SLC18A2: variants seen among roughly 807,000 people sequenced by gnomAD.
SLC18A2 encodes synaptic vesicular amine transporter.
Under a neutral mutation model 59.2 loss-of-function variants are expected in SLC18A2, and 33 were observed. That is an observed-to-expected ratio of 0.56 (90% CI 0.42 to 0.75). SLC18A2 has a LOEUF of 0.75. SLC18A2 is among the 30% of genes least tolerant of loss of function. The probability of loss-of-function intolerance (pLI) is 0.00; values close to 1 mark genes in which losing one functional copy is unlikely to be tolerated. For missense variants in SLC18A2, 569 were observed against 668.6 expected (o/e 0.85, Z 1.64); for synonymous variants, 228 against 253.5 (o/e 0.90, Z 0.95).
intron 15 of SLC18A2, among the ~76,000 whole-genome samples, chr10:117,276,943 T>C (rs1240719405): frequency 6.6e-6 from 1 of 152,128 alleles, no homozygotes; most frequent in Non-Finnish European, 1.5e-5. Flanking sequence ...ATAATGAAAA[T>C]ACTGCAGAGA....
intron 3 of SLC18A2, among the ~76,000 whole-genome samples, chr10:117,245,662 C>T (rs1844103116): frequency 6.6e-6 from 1 of 151,942 alleles, no homozygotes; most frequent in Non-Finnish European, 1.5e-5. Context: ...GGCAGCAGAG[C>T]ATTAAATCAA....
At chr10:117,241,530 C>T (rs1844052034) in intron 1 of SLC18A2, 149 bp from the exon 2 acceptor site, 2 of 829,352 alleles carry the variant, frequency 2.4e-6, no homozygotes, top group Non-Finnish European at 3.4e-6. Flanking sequence ...GGGACGCGCT[C>T]GAGGCAGGTG....
Position 117,267,161 on chromosome 10 carries a change from T to C in SLC18A2, c.1122+126T>C. 4.2e-6 allele frequency: 3 copies of C among 717,386 alleles called. No homozygotes were observed. In the South Asian group the frequency reaches 5.6e-5, roughly 13 times the overall value. 44.4% of individuals were successfully genotyped at this position (717,386 alleles called of 1,614,324 possible). A position where few individuals can be genotyped will look rare whatever the true frequency, so the allele number is the denominator to read the frequency against. On this transcript the variant is annotated intron_variant, in intron 12 of 15. Transcript: ENST00000644641. ...ATGTTTTATTACAGCTTTCATTTTA[T>C]TCTAATTTTTTATCATCTTAAAAAT... is the stretch of plus-strand genomic sequence containing the variant.
chr10:117,265,032 C>T (rs759231918), intron 10 of SLC18A2, among the ~76,000 whole-genome samples: 11 of 152,234 alleles, frequency 7.2e-5, no homozygotes, highest in Admixed American at 1.3e-4. Flanking sequence ...TTGCTGCAGG[C>T]CACTGCTGTG....
intron 10 of SLC18A2, among the ~76,000 whole-genome samples, chr10:117,258,265 A>C (rs1844252220): frequency 6.6e-6 from 1 of 152,262 alleles, no homozygotes. Flanking sequence ...AATTTTGAAA[A>C]GTAATACATG....
intron 13 of SLC18A2, chr10:117,268,314 CT>C (rs1844372979): frequency 6.5e-6 from 1 of 152,744 alleles, no homozygotes; most frequent in East Asian, 1.9e-4. Flanking sequence ...CAGTCCACCC[CT>C]GTAGAAGCAG....
In SLC18A2 at chr10:117,269,844, G is replaced by C. The variant is rs184107567; in HGVS notation, c.1187-227G>C. Among the ~76,000 whole-genome samples, 1 of 152,356 alleles carries C rather than the reference G, an allele frequency of 6.6e-6. No homozygotes were observed. The highest frequency in any genetic ancestry group is 1.5e-5 in the Non-Finnish European group (1 of 68,040). On this transcript the variant is annotated intron_variant, in intron 13 of 15. Transcript: ENST00000644641. This position sits in a 1 kb window ranked among gnomAD's most constrained non-coding sequence, Gnocchi z 5.1. ...AATGAATGACAATTGAGATGATGCT[G>C]TGAGAGAACATCTGTATACGAGGGG...
chr10:117,253,981 G>T (rs937476446), intron 4 of SLC18A2, 67 bp from the exon 5 acceptor site: 1 of 1,458,448 alleles, frequency 6.9e-7, no homozygotes, highest in African/African-American at 1.4e-5. Flanking sequence ...CTTCTGAAAC[G>T]TTCCTGTTTG....
At chr10:117,255,158 C>A in intron 6 of SLC18A2, 119 bp from the exon 7 acceptor site, 1 of 910,010 alleles carries the variant, frequency 1.1e-6, no homozygotes, top group Non-Finnish European at 1.7e-6. Flanking sequence ...ATAGGGCAGC[C>A]ACCCCAAAGC....
chr10:117,276,718 C>T (rs1844500077), intron 15 of SLC18A2, among the ~76,000 whole-genome samples: 1 of 151,514 alleles, frequency 6.6e-6, no homozygotes, highest in South Asian at 2.1e-4. Context: ...GACTTAGGTA[C>T]ATTTCTCACA....
In SLC18A2 at chr10:117,254,615, A is replaced by AT. The variant is rs1305210205; in HGVS notation, c.700+125dup. The AT allele has an allele frequency of 2.4e-5, 13 of 536,408 alleles. No homozygotes were observed. In the Admixed American group the frequency reaches 2.6e-4, roughly 11 times the overall value. The allele number at this position is 536,408 out of a possible 1,614,324, so 33.2% of individuals were successfully genotyped here. On this transcript the variant is annotated intron_variant, in intron 6 of 15. Transcript: ENST00000644641. Reference sequence around the variant, plus strand: ...GCACTGACACAGAGGTCCCCTTTTTATTTTTTTCCTTTCCTGCTTTCATGG... The same window carrying AT: ...GCACTGACACAGAGGTCCCCTTTTTATTTTTTTTCCTTTCCTGCTTTCATGG...
At chr10:117,248,863 G>A (rs780109277) in intron 3 of SLC18A2, among the ~76,000 whole-genome samples, 8 of 152,164 alleles carry the variant, frequency 5.3e-5, no homozygotes, top group Admixed American at 1.3e-4. Context: ...GCTGGGGACC[G>A]TTTCCCTTGC....
intron 11 of SLC18A2, 71 bp from the exon 12 acceptor site, chr10:117,266,913 A>G: frequency 6.3e-7 from 1 of 1,576,074 alleles, no homozygotes; most frequent in Non-Finnish European, 8.7e-7. Context: ...AATTGTTTTG[A>G]TTTTCATTGA....
chr10:117,254,338 C>G, intron 5 of SLC18A2, 67 bp from the exon 6 acceptor site: 4 of 1,369,728 alleles, frequency 2.9e-6, no homozygotes, highest in Non-Finnish European at 4.0e-6. Context: ...AGAGGGAAGG[C>G]GAGTCACGCA....
At chr10:117,267,068 C>A (rs1321305696) in intron 12 of SLC18A2, 33 bp downstream of exon 12, 7 of 1,536,412 alleles carry the variant, frequency 4.6e-6, no homozygotes, top group Admixed American at 3.5e-5. Flanking sequence ...CAAGTGGGAA[C>A]AATCTGTGAA....
Position 117,278,157 on chromosome 10 carries a change from G to A in SLC18A2, c.*891G>A, listed in dbSNP as rs363282. On this transcript the variant is annotated 3_prime_UTR_variant, in exon 16 of 16. Transcript: ENST00000644641. The stretch of plus-strand genomic sequence containing the variant: ...GTTTTAGAAAAGGAAACAAGAAGCT[G>A]AAAACAGCTGCTCTGACTTTAATAT... 0.77 allele frequency: 116,877 copies of A among 152,076 alleles called. 45,571 individuals are homozygous for A. The highest frequency in any genetic ancestry group is 0.85 in the Non-Finnish European group (57,753 of 67,998). 9.4% of individuals were successfully genotyped at this position (152,076 alleles called of 1,614,324 possible).
At chr10:117,262,957 C>A (rs1844310632) in intron 10 of SLC18A2, among the ~76,000 whole-genome samples, 1 of 152,182 alleles carries the variant, frequency 6.6e-6, no homozygotes. Context: ...TTAAAGTCAG[C>A]CAGAAGCCAT....
intron 10 of SLC18A2, among the ~76,000 whole-genome samples, chr10:117,262,829 C>T (rs779639723): frequency 1.3e-5 from 2 of 152,136 alleles, no homozygotes; most frequent in Non-Finnish European, 2.9e-5. Flanking sequence ...ACTGGGTCTC[C>T]CGGCCACCTA....
rs1348502059 is a variant in SLC18A2, at chr10:117,253,455, T to C, written c.521T>C (p.Ile174Thr). Reference sequence around the variant, plus strand: ...TTCTGCATCATGTTTGTCTCAACAATTAGTAAGTGTGTGGTGTTTTCCTTC... The same window carrying C: ...TTCTGCATCATGTTTGTCTCAACAACTAGTAAGTGTGTGGTGTTTTCCTTC... ...AGFCIMFVST[I>T]MFAFSSSYAF... The change falls in exon 4 of 16, where the codon ATT becomes ACT. Residue 174 changes from isoleucine (I) to threonine (T), a missense_variant and splice_region_variant. Physicochemically the swap from Ile to Thr is moderately conservative, Grantham distance 89. Around this residue, in one of 2 missense-constraint regions of SLC18A2, gnomAD observed 377 missense variants for 389.8 expected, o/e 0.97. Transcript: ENST00000644641. 1 of 1,611,922 alleles carries C rather than the reference T, an allele frequency of 6.2e-7. No homozygotes were observed. The highest frequency in any genetic ancestry group is 1.3e-5 in the African/African-American group (1 of 74,898).
Sources: gnomAD v4.1 joint callset for allele counts (sites outside exome capture counted in the v4.1 genomes callset) on GRCh38, gnomAD v4.1.1 for gene constraint, gnomAD v4.1.1 regional missense constraint, Gnocchi (gnomAD v3.1) non-coding constraint, MANE v1.5 for transcripts, NCBI Gene and HGNC (gene_info 2026-07-23, HGNC 2026-07-21) for gene names.